SLIT3: variants seen among roughly 807,000 people sequenced by gnomAD.
The protein encoded by SLIT3 is slit homolog 3 protein.
In SLIT3, 68 loss-of-function variants were observed where a neutral mutation model predicts 184.0. The observed-to-expected ratio is 0.37, with a 90% CI of 0.30 to 0.45. SLIT3 has a LOEUF of 0.45. Among genes scored for constraint, SLIT3 ranks in the 20% least tolerant of loss-of-function variants. The pLI is 1.00. For missense variants in SLIT3, 1,707 were observed against 2,026.0 expected, an observed-to-expected ratio of 0.84 and a Z score of 3.02; for synonymous variants, 831 against 828.6, an observed-to-expected ratio of 1.00 and a Z score of -0.05.
intron 4 of SLIT3, among the ~76,000 whole-genome samples, chr5:169,140,567 G>C (rs935702140): frequency 6.7e-6 from 1 of 150,160 alleles, no homozygotes; most frequent in African/African-American, 2.4e-5. Context: ...AACTTTGGGA[G>C]CCTGAGGCAG....
At chr5:169,169,282 AC>A (rs1401425866) in intron 4 of SLIT3, among the ~76,000 whole-genome samples, 1 of 152,162 alleles carries the variant, frequency 6.6e-6, no homozygotes, top group Admixed American at 6.5e-5. Flanking sequence ...TCAATATATT[AC>A]CCTGAGCACC....
chr5:169,266,618 T>C (rs530911362), intron 1 of SLIT3, among the ~76,000 whole-genome samples: 1 of 152,228 alleles, frequency 6.6e-6, no homozygotes, highest in South Asian at 2.1e-4. Flanking sequence ...CCAGACCAGC[T>C]CTACTGGACT....
intron 4 of SLIT3, among the ~76,000 whole-genome samples, chr5:168,914,604 G>A (rs868702112): frequency 5.9e-5 from 9 of 152,156 alleles, no homozygotes; most frequent in South Asian, 4.1e-4. Flanking sequence ...TCTGCCACTC[G>A]TTTTGCTATT....
intron 6 of SLIT3, among the ~76,000 whole-genome samples, chr5:168,836,881 T>C (rs567195247): frequency 1.1e-3 from 169 of 152,262 alleles, no homozygotes; most frequent in African/African-American, 3.9e-3. Context: ...GAAAGTGAAA[T>C]CAACTAGAAA....
chr5:168,823,318 T>C lies in SLIT3; in HGVS notation c.571A>G (p.Asn191Asp). ...GTGACCAGGATGCGACTGATGTTGT[T>C]GTTGTTGAGGGTACTGTGGAGATAG... ...RDLEILTLNN[N>D]NISRILVTSF... The change falls in exon 7 of 36, where the codon AAC becomes GAC. Residue 191 changes from asparagine to aspartate, a missense_variant. By Grantham distance (23) the Asn-to-Asp change is conservative (BLOSUM62 1). Around this residue, in one of 3 missense-constraint regions of SLIT3, gnomAD observed 1,307 missense variants for 1,511.6 expected, o/e 0.86. Transcript: ENST00000519560. 1.2e-6 allele frequency: 2 copies of C among 1,613,798 alleles called. No individual in the cohort carries two copies. Among genetic ancestry groups the C allele is most frequent in the Non-Finnish European group, 1.7e-6 (2 of 1,179,766 alleles).
At chr5:169,062,342 G>A (rs1421359210) in intron 4 of SLIT3, among the ~76,000 whole-genome samples, 2 of 152,116 alleles carry the variant, frequency 1.3e-5, no homozygotes, top group African/African-American at 4.8e-5. Flanking sequence ...GCTTATTAAG[G>A]CTTTGGGTGC....
In SLIT3 at chr5:168,996,806, T is replaced by C. The variant is rs553024392; in HGVS notation, c.414-113470A>G. On this transcript the variant is annotated intron_variant, in intron 4 of 35. Transcript: ENST00000519560. ...CGGTGAGGGGCCCCAGCTACCAATA[T>C]TTTTACGGCTTCCGCTGGGATGCAA... Among the ~76,000 whole-genome samples the C allele has an allele frequency of 7.2e-5, 11 of 152,230 alleles. No homozygotes were observed. In the South Asian group the frequency reaches 1.7e-3, roughly 23 times the overall value.
intron 4 of SLIT3, among the ~76,000 whole-genome samples, chr5:169,019,329 T>G (rs536998568): frequency 6.6e-6 from 1 of 152,242 alleles, no homozygotes; most frequent in South Asian, 2.1e-4. Flanking sequence ...CTTGACTCTC[T>G]GCCCTTTGCT....
intron 4 of SLIT3, among the ~76,000 whole-genome samples, chr5:168,948,072 C>T (rs1762541114): frequency 6.6e-6 from 1 of 152,022 alleles, no homozygotes. Flanking sequence ...GATTACAGGC[C>T]TGAGCCACCA....
chr5:169,108,072 T>C (rs295987), intron 4 of SLIT3, among the ~76,000 whole-genome samples: 119,991 of 152,232 alleles, frequency 0.79, 47,450 homozygotes, highest in East Asian at 0.93. Context: ...TAGTTCCTCA[T>C]CAAAAGTAGG....
chr5:169,188,500 C>T (rs1246504461), intron 4 of SLIT3, among the ~76,000 whole-genome samples: 6 of 152,108 alleles, frequency 3.9e-5, no homozygotes, highest in Non-Finnish European at 8.8e-5. Flanking sequence ...GTAACATGCC[C>T]AGGGCCACAC....
At chr5:168,753,744 G>C in intron 17 of SLIT3, 120 bp downstream of exon 17, 1 of 1,172,196 alleles carries the variant, frequency 8.5e-7, no homozygotes, top group East Asian at 2.4e-5. Flanking sequence ...TCCAGGAAGA[G>C]AGGGATTCAG....
intron 1 of SLIT3, among the ~76,000 whole-genome samples, chr5:169,278,171 C>A (rs1170901440): frequency 6.6e-6 from 1 of 152,190 alleles, no homozygotes; most frequent in Non-Finnish European, 1.5e-5. Context: ...ATATAGAAGC[C>A]TGGCGACACA....
chr5:169,218,108 A>G (rs1764506826), intron 3 of SLIT3, among the ~76,000 whole-genome samples: 1 of 152,190 alleles, frequency 6.6e-6, no homozygotes, highest in African/African-American at 2.4e-5. Flanking sequence ...GACTTCCTTG[A>G]AGATATTTTC....
chr5:168,802,102 G>A (rs1178530746), intron 9 of SLIT3, among the ~76,000 whole-genome samples: 2 of 150,150 alleles, frequency 1.3e-5, no homozygotes, highest in Non-Finnish European at 2.9e-5. Context: ...GTACAAATCT[G>A]GATTATATGG....
At chr5:169,251,230 T>C (rs73319553) in intron 2 of SLIT3, among the ~76,000 whole-genome samples, 158 bp downstream of exon 2, 57 of 152,324 alleles carry the variant, frequency 3.7e-4, no homozygotes, top group African/African-American at 1.3e-3. Context: ...GTGATACCTG[T>C]AAGCATGTGG....
At chr5:168,976,349 C>T (rs550816410) in intron 4 of SLIT3, among the ~76,000 whole-genome samples, 1 of 152,258 alleles carries the variant, frequency 6.6e-6, no homozygotes, top group East Asian at 1.9e-4. Flanking sequence ...GACTGAGTAC[C>T]CACAATTTTC....
chr5:168,863,312 A>C (rs950262463), intron 5 of SLIT3, among the ~76,000 whole-genome samples: 1 of 152,220 alleles, frequency 6.6e-6, no homozygotes, highest in African/African-American at 2.4e-5. Context: ...TAAGTAGACA[A>C]AAGCGATATT....
intron 8 of SLIT3, among the ~76,000 whole-genome samples, chr5:168,816,431 C>A (rs1444878498): frequency 6.6e-6 from 1 of 152,146 alleles, no homozygotes; most frequent in Non-Finnish European, 1.5e-5. Context: ...AGGTGATCCA[C>A]CTGCTTTGGC....
Sources: allele counts gnomAD v4.1 joint callset (sites outside exome capture counted in the v4.1 genomes callset), GRCh38; gene constraint gnomAD v4.1.1; regional missense constraint gnomAD v4.1.1; transcripts MANE v1.5; gene names NCBI Gene and HGNC (gene_info 2026-07-23, HGNC 2026-07-21).